SCPEP1: variants seen among roughly 807,000 people sequenced by gnomAD.
The protein encoded by SCPEP1 is retinoid-inducible serine carboxypeptidase.
Under a neutral mutation model 63.8 loss-of-function variants are expected in SCPEP1, and 51 were observed. That is an observed-to-expected ratio of 0.80 (90% CI 0.64 to 1.01). The LOEUF is 1.01. SCPEP1 is among the 50% of genes least tolerant of loss of function. The pLI is 0.00. For missense variants in SCPEP1, 499 were observed against 554.9 expected (o/e 0.90, Z 1.01); for synonymous variants, 204 against 207.8 (o/e 0.98, Z 0.16).
chr17:56,993,477 C>G (rs1427483277), intron 6 of SCPEP1, among the ~76,000 whole-genome samples: 2 of 152,198 alleles, frequency 1.3e-5, no homozygotes, highest in East Asian at 3.8e-4. Context: ...GAGTTTTGCT[C>G]TTGTTGCCCA....
chr17:57,005,284 A>C (rs952603790), intron 12 of SCPEP1, among the ~76,000 whole-genome samples: 2 of 152,188 alleles, frequency 1.3e-5, no homozygotes. Flanking sequence ...GCTGGTAGGA[A>C]GGCATGGAAC....
intron 3 of SCPEP1, chr17:56,986,976 T>G (rs1911240544): frequency 6.6e-6 from 1 of 152,226 alleles, no homozygotes; most frequent in Non-Finnish European, 1.5e-5. Flanking sequence ...AGTCATCCCC[T>G]ACCTCCACTC....
intron 12 of SCPEP1, among the ~76,000 whole-genome samples, chr17:57,005,807 T>C (rs1254732679): frequency 6.6e-6 from 1 of 152,228 alleles, no homozygotes; most frequent in Non-Finnish European, 1.5e-5. Flanking sequence ...GGATCCCTTC[T>C]AGACAGATGC....
intron 1 of SCPEP1, among the ~76,000 whole-genome samples, 162 bp from the exon 2 acceptor site, chr17:56,980,920 T>C (rs1366501246): frequency 6.6e-6 from 1 of 152,128 alleles, no homozygotes; most frequent in Non-Finnish European, 1.5e-5. Flanking sequence ...TCTTTTTTCA[T>C]AGCCGAGGTT....
intron 5 of SCPEP1, 60 bp downstream of exon 5, chr17:56,988,350 A>G: frequency 1.6e-6 from 2 of 1,289,584 alleles, no homozygotes; most frequent in Non-Finnish European, 1.1e-6. Context: ...TGTTACTTTT[A>G]TGTACTCACG....
In SCPEP1 at chr17:56,998,506, T is replaced by C. The variant is rs762906198; in HGVS notation, c.994+8T>C. On this transcript the variant is annotated splice_region_variant and intron_variant, in intron 10 of 12. Coordinates refer to ENST00000262288, the MANE Select transcript of SCPEP1 (RefSeq NM_021626.3). ...AGGATCAATCCTGGGGAGGTACTTATATGACCTAATTAAGTGCCGTTTGTA... is the reference window on the plus strand; with the variant it reads ...AGGATCAATCCTGGGGAGGTACTTACATGACCTAATTAAGTGCCGTTTGTA... 1.9e-6 allele frequency: 3 copies of C among 1,588,554 alleles called. No individual in the cohort carries two copies. Among genetic ancestry groups the C allele is most frequent in the East Asian group, 2.2e-5 (1 of 44,738 alleles).
rs1351894995 is a variant in SCPEP1, at chr17:56,985,404, A to G, written c.252A>G (p.Gly84=). ...LQGGPGGSST[G]FGNFEEIGPL... Reference sequence around the variant, plus strand: ...GCGGTCCAGGCGGTTCTAGCACTGGATTTGGAAACTTTGAGGAAATTGGGC... The same window carrying G: ...GCGGTCCAGGCGGTTCTAGCACTGGGTTTGGAAACTTTGAGGAAATTGGGC... The change falls in exon 3 of 13, where the codon GGA becomes GGG. Residue 84 remains glycine (G), a synonymous_variant. Coordinates refer to ENST00000262288, the MANE Select transcript of SCPEP1 (RefSeq NM_021626.3). The G allele has an allele frequency of 1.2e-6, 2 of 1,614,062 alleles. No homozygotes were observed. The highest frequency in any genetic ancestry group is 1.7e-6 in the Non-Finnish European group (2 of 1,180,038).
Position 56,994,991 on chromosome 17 carries a change from C to A in SCPEP1, c.630C>A (p.Leu210=), listed in dbSNP as rs1911503689. The A allele has an allele frequency of 1.2e-6, 2 of 1,613,378 alleles. No individual in the cohort carries two copies. The highest frequency in any genetic ancestry group is 1.7e-6 in the Non-Finnish European group (2 of 1,179,458). The change falls in exon 7 of 13, where the codon CTC becomes CTA. Residue 210 remains leucine (L), a synonymous_variant. Coordinates refer to ENST00000262288, the MANE Select transcript of SCPEP1 (RefSeq NM_021626.3). Reference sequence around the variant, plus strand: ...TGTGATTTCCTTTAGATTCGGTGCTCTCCTGGGGACCTTACCTGTACAGCA... The same window carrying A: ...TGTGATTTCCTTTAGATTCGGTGCTATCCTGGGGACCTTACCTGTACAGCA... ...DSWISPVDSV[L]SWGPYLYSMS...
intron 9 of SCPEP1, 53 bp from the exon 10 acceptor site, chr17:56,998,332 C>A: frequency 4.1e-6 from 5 of 1,214,516 alleles, no homozygotes; most frequent in Non-Finnish European, 6.1e-6. Flanking sequence ...AAAAGATGTC[C>A]TCTTGGCCTT....
intron 12 of SCPEP1, among the ~76,000 whole-genome samples, 177 bp downstream of exon 12, chr17:57,002,358 T>C (rs1911765807): frequency 6.6e-6 from 1 of 152,126 alleles, no homozygotes; most frequent in South Asian, 2.1e-4. Context: ...GGCAGGTGGA[T>C]TGCTGGAGCC....
At chr17:56,978,591 C>G (rs1910984020) in intron 1 of SCPEP1, among the ~76,000 whole-genome samples, 2 of 152,100 alleles carry the variant, frequency 1.3e-5, no homozygotes, top group African/African-American at 2.4e-5. Context: ...TTATTTTAAG[C>G]TGAAATCTGC....
intron 12 of SCPEP1, 36 bp downstream of exon 12, chr17:57,002,217 T>C (rs1235045776): frequency 1.9e-6 from 3 of 1,603,592 alleles, no homozygotes; most frequent in Non-Finnish European, 2.6e-6. Context: ...TTAAAAATCA[T>C]CCTGAGAGGG....
Position 57,006,457 on chromosome 17 carries a change from T to C in SCPEP1, c.*222T>C. On this transcript the variant is annotated 3_prime_UTR_variant, in exon 13 of 13. Coordinates refer to ENST00000262288, the MANE Select transcript of SCPEP1 (RefSeq NM_021626.3). Reference sequence around the variant, plus strand: ...CCTAAGATTTTTTAAAAAATTGATTTGTTTTGATCAAAATAAAGGATGATA... The same window carrying C: ...CCTAAGATTTTTTAAAAAATTGATTCGTTTTGATCAAAATAAAGGATGATA... The C allele has an allele frequency of 2.7e-6, 1 of 366,820 alleles. No homozygotes were observed. The highest frequency in any genetic ancestry group is 4.9e-6 in the Non-Finnish European group (1 of 205,404). The allele number at this position is 366,820 out of a possible 1,614,324, so 22.7% of individuals were successfully genotyped here.
rs1381990105 is a variant in SCPEP1, at chr17:57,006,294, C to CGCTGAA, written c.*64_*69dup. On this transcript the variant is annotated 3_prime_UTR_variant, in exon 13 of 13. Transcript: ENST00000262288. ...TTGGGGCACAGAGCTGAGCTGAGGC[C>CGCTGAA]GCTGAAGCTGTAGGAAGCGCCATTC... The CGCTGAA allele has an allele frequency of 1.5e-6, 2 of 1,356,094 alleles. No individual in the cohort carries two copies. The highest frequency in any genetic ancestry group is 2.2e-5 in the Admixed American group (1 of 45,954). The allele number at this position is 1,356,094 out of a possible 1,614,324, so 84.0% of individuals were successfully genotyped here.
intron 5 of SCPEP1, among the ~76,000 whole-genome samples, chr17:56,989,364 G>A (rs565904432): frequency 6.6e-6 from 1 of 152,284 alleles, no homozygotes; most frequent in South Asian, 2.1e-4. Flanking sequence ...ACCCAGTTTT[G>A]GTAAGAAGTC....
chr17:56,991,259 C>A, intron 6 of SCPEP1, 88 bp downstream of exon 6: 2 of 1,004,420 alleles, frequency 2.0e-6, no homozygotes, highest in Non-Finnish European at 3.2e-6. Context: ...GATCAAAGAG[C>A]TAAGCAGGAG....
chr17:56,991,056 C>T (rs201182756), intron 5 of SCPEP1, 43 bp from the exon 6 acceptor site: 1 of 1,410,416 alleles, frequency 7.1e-7, no homozygotes, highest in East Asian at 2.3e-5. Context: ...ACTGCGTGAG[C>T]CACTGCACCT....
At chr17:56,988,116 T>G in intron 4 of SCPEP1, 100 bp from the exon 5 acceptor site, 15 of 1,014,828 alleles carry the variant, frequency 1.5e-5, no homozygotes, top group Non-Finnish European at 2.2e-5. Flanking sequence ...AGCAGATTTG[T>G]TTTTTCTGGT....
intron 12 of SCPEP1, among the ~76,000 whole-genome samples, chr17:57,003,300 G>A (rs1911795994): frequency 1.3e-5 from 2 of 152,110 alleles, no homozygotes; most frequent in Non-Finnish European, 2.9e-5. Context: ...CCAAGCAGGG[G>A]TTTTAAGCAA....
Sources: allele counts gnomAD v4.1 joint callset (sites outside exome capture counted in the v4.1 genomes callset), GRCh38; gene constraint gnomAD v4.1.1; transcripts MANE v1.5; gene names NCBI Gene and HGNC (gene_info 2026-07-23, HGNC 2026-07-21).